PDE7B: variants seen among roughly 807,000 people sequenced by gnomAD.
The protein encoded by PDE7B is phosphodiesterase 7B.
A neutral mutation model predicts 56.2 loss-of-function variants in PDE7B; 29 were observed. The ratio of observed to expected loss-of-function variants is 0.52; its 90% confidence interval spans 0.38 to 0.70. The LOEUF is 0.70. Among genes scored for constraint, PDE7B ranks in the 30% least tolerant of loss-of-function variants. The pLI is 0.00. For missense variants in PDE7B, 490 were observed against 565.0 expected, an observed-to-expected ratio of 0.87 and a Z score of 1.35; for synonymous variants, 197 against 196.9, an observed-to-expected ratio of 1.00 and a Z score of 0.00.
intron 2 of PDE7B, among the ~76,000 whole-genome samples, chr6:136,059,712 A>G (rs1054898845): frequency 6.6e-6 from 1 of 152,132 alleles, no homozygotes; most frequent in Non-Finnish European, 1.5e-5. Context: ...TCTCCCCAAA[A>G]TCATGCTGCT....
At chr6:136,010,271 A>T (rs1156299652) in intron 2 of PDE7B, among the ~76,000 whole-genome samples, 1 of 151,872 alleles carries the variant, frequency 6.6e-6, no homozygotes, top group Non-Finnish European at 1.5e-5. Context: ...GTGGTCTGAG[A>T]CTATGTTTGG....
chr6:135,925,167 A>C (rs1774162078), intron 1 of PDE7B, among the ~76,000 whole-genome samples: 1 of 152,162 alleles, frequency 6.6e-6, no homozygotes, highest in South Asian at 2.1e-4. Flanking sequence ...TTAAAAAATA[A>C]ATCATTAAAA....
In PDE7B at chr6:135,851,983, C is replaced by T. The variant is rs1466936440; in HGVS notation, c.-16C>T. 6.2e-7 allele frequency: 1 copy of T among 1,603,560 alleles called. No homozygotes were observed. Among genetic ancestry groups the T allele is most frequent in the Non-Finnish European group, 8.5e-7 (1 of 1,170,556 alleles). On this transcript the variant is annotated 5_prime_UTR_variant, in exon 1 of 13. Transcript: ENST00000308191. The stretch of plus-strand genomic sequence containing the variant: ...TTCACGGCATTCAAAGGTCACAGAA[C>T]TGCCACTATGGTTAAATGTCTTGTT...
chr6:135,932,606 A>G (rs1057149202), intron 1 of PDE7B, among the ~76,000 whole-genome samples: 4 of 152,216 alleles, frequency 2.6e-5, no homozygotes, highest in African/African-American at 9.6e-5. Context: ...ATGAAATCGT[A>G]CTATTGAGCC....
chr6:136,043,900 C>T (rs1285714034), intron 2 of PDE7B: 1 of 152,126 alleles, frequency 6.6e-6, no homozygotes, highest in South Asian at 2.1e-4. Flanking sequence ...AGAGAAAATC[C>T]AGATTCTTTC....
At chr6:135,894,110 C>A (rs1775856721) in intron 1 of PDE7B, among the ~76,000 whole-genome samples, 1 of 152,074 alleles carries the variant, frequency 6.6e-6, no homozygotes, top group Non-Finnish European at 1.5e-5. Context: ...AAGTTTTATT[C>A]CCAAAATCAT....
chr6:135,851,982 AC>A lies in PDE7B; in HGVS notation c.-16del. 1 of 1,603,872 alleles carries A rather than the reference AC, an allele frequency of 6.2e-7. No individual in the cohort carries two copies. Among genetic ancestry groups the A allele is most frequent in the South Asian group, 1.1e-5 (1 of 90,874 alleles). ...TTTCACGGCATTCAAAGGTCACAGA[AC>A]TGCCACTATGGTTAAATGTCTTGTT... On this transcript the variant is annotated 5_prime_UTR_variant, in exon 1 of 13. The change creates a new upstream start codon in the 5' untranslated region. Transcript: ENST00000308191.
At chr6:135,952,337 T>C (rs1450489338) in intron 2 of PDE7B, among the ~76,000 whole-genome samples, 1 of 152,164 alleles carries the variant, frequency 6.6e-6, no homozygotes, top group Admixed American at 6.6e-5. Flanking sequence ...ATAAGGACAA[T>C]TTTTTAAATA....
intron 1 of PDE7B, among the ~76,000 whole-genome samples, chr6:135,931,320 G>A (rs930703553): frequency 1.3e-5 from 2 of 152,124 alleles, no homozygotes; most frequent in African/African-American, 4.8e-5. Flanking sequence ...ATTATCCAAT[G>A]CGAGTGATAG....
At chr6:135,928,487 T>TA in intron 1 of PDE7B, among the ~76,000 whole-genome samples, 1 of 85,538 alleles carries the variant, frequency 1.2e-5, no homozygotes. Context: ...ATATATTTAT[T>TA]TATATATATA....
At position 136,153,588 on chromosome 6, in the gene PDE7B, A is replaced by T. The variant is rs114940212; in HGVS notation, c.479-487A>T. On this transcript the variant is annotated intron_variant, in intron 6 of 12. Transcript: ENST00000308191. ...CAATACCCTGAATCTCTGCCCTAAG[A>T]GGCCCGGATTTGCTTTCATTGGTAT... 5.8e-3 allele frequency among the ~76,000 whole-genome samples: 880 copies of T among 152,302 alleles called. 13 individuals are homozygous for T. Among genetic ancestry groups the T allele is most frequent in the African/African-American group, 0.02 (843 of 41,574 alleles).
At chr6:136,113,975 A>G (rs2128442610) in intron 3 of PDE7B, among the ~76,000 whole-genome samples, 1 of 152,306 alleles carries the variant, frequency 6.6e-6, no homozygotes, top group Admixed American at 6.5e-5. Context: ...CATACAAAGA[A>G]AACGTGCTCA....
chr6:136,130,327 C>T (rs1212821109), intron 3 of PDE7B, among the ~76,000 whole-genome samples: 1 of 152,086 alleles, frequency 6.6e-6, no homozygotes, highest in African/African-American at 2.4e-5. Context: ...TCTTGATCTC[C>T]CTTCCTCATT....
At chr6:136,186,105 T>C (rs1313164921) in intron 11 of PDE7B, among the ~76,000 whole-genome samples, 2 of 151,866 alleles carry the variant, frequency 1.3e-5, no homozygotes, top group Non-Finnish European at 2.9e-5. Context: ...GCCTGATAGC[T>C]GACCAAGGCA....
At chr6:135,902,240 T>C (rs552573344) in intron 1 of PDE7B, among the ~76,000 whole-genome samples, 2 of 152,118 alleles carry the variant, frequency 1.3e-5, no homozygotes, top group Non-Finnish European at 2.9e-5. Context: ...CTGGAGGAAG[T>C]CAGCCAATTT....
chr6:136,058,233 A>T (rs1302451785), intron 2 of PDE7B, among the ~76,000 whole-genome samples: 1 of 152,180 alleles, frequency 6.6e-6, no homozygotes, highest in African/African-American at 2.4e-5. Flanking sequence ...CTCCTAATGA[A>T]ATTGGCAGGG....
intron 2 of PDE7B, among the ~76,000 whole-genome samples, chr6:135,978,290 A>C (rs1401161189): frequency 1.3e-5 from 2 of 152,176 alleles, no homozygotes; most frequent in Non-Finnish European, 2.9e-5. Context: ...AACATGATAC[A>C]AAAGATTTTA....
At chr6:136,076,687 A>G (rs900878378) in intron 2 of PDE7B, among the ~76,000 whole-genome samples, 1 of 152,112 alleles carries the variant, frequency 6.6e-6, no homozygotes, top group Non-Finnish European at 1.5e-5. Flanking sequence ...CCCTGGCAGA[A>G]GACTAAGATG....
intron 1 of PDE7B, among the ~76,000 whole-genome samples, chr6:135,918,478 T>G (rs1774001132): frequency 6.6e-6 from 1 of 152,216 alleles, no homozygotes; most frequent in African/African-American, 2.4e-5. Context: ...TCTTTATCTT[T>G]CACATCTGGT....
Sources: allele counts gnomAD v4.1 joint callset (sites outside exome capture counted in the v4.1 genomes callset), GRCh38; gene constraint gnomAD v4.1.1; transcripts MANE v1.5; gene names NCBI Gene and HGNC (gene_info 2026-07-23, HGNC 2026-07-21).